PRKCG: variants seen among roughly 807,000 people sequenced by gnomAD.
PRKCG encodes the protein protein kinase C gamma type.
Under a neutral mutation model 82.0 loss-of-function variants are expected in PRKCG, and 28 were observed. That is an observed-to-expected ratio of 0.34 (90% CI 0.25 to 0.47). The LOEUF (loss-of-function observed/expected upper bound fraction) is 0.47. Ranked by LOEUF, PRKCG falls within the 20% of genes least tolerant of loss-of-function variation. The probability of loss-of-function intolerance (pLI) is 1.00; values close to 1 mark genes in which losing one functional copy is unlikely to be tolerated. For synonymous variants in PRKCG, 383 were observed against 376.6 expected (o/e 1.02, Z -0.20); for missense variants, 640 against 952.7 (o/e 0.67, Z 4.32).
intron 15 of PRKCG, 73 bp downstream of exon 15, chr19:53,903,226 A>G (rs1255011493): frequency 1.6e-6 from 2 of 1,217,040 alleles, no homozygotes; most frequent in Non-Finnish European, 2.4e-6. Context: ...AGGAGGAGCC[A>G]GTTAGAAAGG....
chr19:53,906,559 C>A, intron 17 of PRKCG, 102 bp downstream of exon 17: 1 of 1,552,362 alleles, frequency 6.4e-7, no homozygotes, highest in Non-Finnish European at 8.8e-7. Context: ...CTCTGCAGAG[C>A]CCCCCGCCCC....
Position 53,893,365 on chromosome 19 carries a change from T to G in PRKCG, c.913T>G (p.Cys305Gly), listed in dbSNP as rs1568755831. Reference sequence around the variant, plus strand: ...CTCTCTCTTTCTTTTCTCCCAGGCTTGTAACTACCCCCTGGAATTGTATGA... The same window carrying G: ...CTCTCTCTTTCTTTTCTCCCAGGCTGGTAACTACCCCCTGGAATTGTATGA... ...NCSLLQKFEA[C>G]NYPLELYERV... Residue 305 changes from cysteine to glycine, a missense_variant, in exon 9 of 18, where the codon TGT becomes GGT. Cys to Gly is a radical substitution (Grantham distance 159). This residue lies in a region of PRKCG where 261 missense variants were observed against 312.1 expected (regional missense o/e 0.84). Transcript: ENST00000263431. 2 of 1,613,676 alleles carry G rather than the reference T, an allele frequency of 1.2e-6. No individual in the cohort carries two copies. The highest frequency in any genetic ancestry group is 1.7e-5 in the Admixed American group (1 of 60,018).
At position 53,905,611 on chromosome 19, in the gene PRKCG, A is replaced by G. The variant is rs189054750; in HGVS notation, c.1765-706A>G. ...TCTCTGTACCACCCTCTGAATTTCT[A>G]TTTCCCCTTTTCTCTGGGTCTGCAA... On this transcript the variant is annotated intron_variant, in intron 16 of 17. Coordinates refer to ENST00000263431, the MANE Select transcript of PRKCG (RefSeq NM_002739.5). Among the ~76,000 whole-genome samples the G allele has an allele frequency of 2.0e-3, 283 of 142,640 alleles. 1 individual carries two copies. The highest frequency in any genetic ancestry group is 6.9e-3 in the African/African-American group (263 of 37,914). 93.6% of individuals were successfully genotyped at this position (142,640 alleles called of 152,430 possible).
chr19:53,906,162 A>G lies in PRKCG; in HGVS notation c.1765-155A>G, dbSNP rs531074398. ...TCCTTTCTTTTCCCTTCCTCCCTCC[A>G]TTTGCCTGTTTCCCCTGGCTGTTCT... On this transcript the variant is annotated intron_variant, in intron 16 of 17. Transcript: ENST00000263431. Among the ~76,000 whole-genome samples the G allele has an allele frequency of 1.3e-4, 16 of 121,046 alleles. No homozygotes were observed. The South Asian group carries it at 3.5e-3, about 26-fold the overall frequency. The allele number at this position is 121,046 out of a possible 152,430, so 79.4% of individuals were successfully genotyped here. A position where few individuals can be genotyped will look rare whatever the true frequency, so the allele number is the denominator to read the frequency against.
intron 16 of PRKCG, among the ~76,000 whole-genome samples, 159 bp from the exon 17 acceptor site, chr19:53,906,158 C>G (rs974081592): frequency 6.9e-6 from 1 of 144,820 alleles, no homozygotes; most frequent in Non-Finnish European, 1.5e-5. Flanking sequence ...CCCTTCCTCC[C>G]TCCATTTGCC....
chr19:53,883,297 G>C lies in PRKCG; in HGVS notation c.202+103G>C. 7.2e-7 allele frequency: 1 copy of C among 1,391,342 alleles called. No individual in the cohort carries two copies. The highest frequency in any genetic ancestry group is 1.0e-6 in the Non-Finnish European group (1 of 986,814). 86.2% of individuals were successfully genotyped at this position (1,391,342 alleles called of 1,614,324 possible). A position where few individuals can be genotyped will look rare whatever the true frequency, so the allele number is the denominator to read the frequency against. ...CACGTGTTCTCTGGTCCCCAGAGAG[G>C]CGCGGGGGAGCCCGGGGCGGGGGGT... is the stretch of plus-strand genomic sequence containing the variant. On this transcript the variant is annotated intron_variant, in intron 2 of 17. Coordinates refer to ENST00000263431, the MANE Select transcript of PRKCG (RefSeq NM_002739.5). This position sits in a 1 kb window ranked among gnomAD's most constrained non-coding sequence, Gnocchi z 5.4.
At chr19:53,881,409 C>T (rs953709240), upstream of PRKCG, among the ~76,000 whole-genome samples, 6 of 151,252 alleles carry the variant, frequency 4.0e-5, no homozygotes, top group African/African-American at 1.5e-4. Context: ...GACAGAGTCA[C>T]AGCCTGAGAG....
At position 53,906,910 on chromosome 19, in the gene PRKCG, A is replaced by G. The variant is rs910407040; in HGVS notation, c.*15A>G. 3.1e-6 allele frequency: 5 copies of G among 1,612,954 alleles called. No homozygotes were observed. Among genetic ancestry groups the G allele is most frequent in the Middle Eastern group, 1.6e-4 (1 of 6,062 alleles). ...CCGTCATGTAATCTCACCCGCCGCC[A>G]CTAGGTGTCCCCAACGTCCCCTCCG... On this transcript the variant is annotated 3_prime_UTR_variant, in exon 18 of 18. Transcript: ENST00000263431.
rs2068822681 is a variant in PRKCG, at chr19:53,907,365, C to T, written c.*470C>T. 4.7e-6 allele frequency: 1 copy of T among 211,470 alleles called. No individual in the cohort carries two copies. The highest frequency in any genetic ancestry group is 7.0e-5 in the South Asian group (1 of 14,266). 13.1% of individuals were successfully genotyped at this position (211,470 alleles called of 1,614,324 possible). ...TTCTAGATGAGTGGGAGGCGTGCCCCCCTCCTCCAGTACGTCCCGCTGCTG... is the reference window on the plus strand; with the variant it reads ...TTCTAGATGAGTGGGAGGCGTGCCCTCCTCCTCCAGTACGTCCCGCTGCTG... On this transcript the variant is annotated 3_prime_UTR_variant, in exon 18 of 18. Transcript: ENST00000263431.
At position 53,884,368 on chromosome 19, in the gene PRKCG, G is replaced by A. The variant is rs2068616842; in HGVS notation, c.285+125G>A. On this transcript the variant is annotated intron_variant, in intron 3 of 17. Transcript: ENST00000263431. The surrounding 1 kb of genome is among the most constrained non-coding windows in gnomAD (Gnocchi z 4.6). Reference sequence around the variant, plus strand: ...GGGGAGGGGGGCTGGAGAGATAGGGGGAGCTATCTGGCCCAGATTCCTTGC... The same window carrying A: ...GGGGAGGGGGGCTGGAGAGATAGGGAGAGCTATCTGGCCCAGATTCCTTGC... 1.2e-5 allele frequency: 11 copies of A among 928,202 alleles called. No individual in the cohort carries two copies. The Admixed American group carries it at 1.9e-4, about 16-fold the overall frequency. 57.5% of individuals were successfully genotyped at this position (928,202 alleles called of 1,614,324 possible). A position where few individuals can be genotyped will look rare whatever the true frequency, so the allele number is the denominator to read the frequency against.
At chr19:53,906,245 C>A (rs2068809453) in intron 16 of PRKCG, 72 bp from the exon 17 acceptor site, 13 of 1,540,664 alleles carry the variant, frequency 8.4e-6, no homozygotes, top group African/African-American at 2.8e-5. Flanking sequence ...TGTCTCTGTC[C>A]CTCTTTCTCT....
intron 15 of PRKCG, among the ~76,000 whole-genome samples, chr19:53,904,269 G>A (rs2068785460): frequency 6.6e-6 from 1 of 151,648 alleles, no homozygotes; most frequent in Non-Finnish European, 1.5e-5. Context: ...AACCTCAGAA[G>A]ACTGTGAACT....
intron 11 of PRKCG, among the ~76,000 whole-genome samples, chr19:53,898,872 T>C (rs1272460665): frequency 5.7e-4 from 8 of 14,156 alleles, no homozygotes; most frequent in African/African-American, 9.9e-4. Flanking sequence ...CGAGGCCGGG[T>C]GGAGGGGCTC....
At chr19:53,905,597 C>T (rs2068796454) in intron 16 of PRKCG, among the ~76,000 whole-genome samples, 1 of 151,510 alleles carries the variant, frequency 6.6e-6, no homozygotes, top group Non-Finnish European at 1.5e-5. Context: ...CTCTGTACCA[C>T]CCTCTGAATT....
rs56211557 is a variant in PRKCG at position 53,906,388 on chromosome 19, C to T, written c.1836C>T (p.Gly612=). Residue 612 remains glycine, a synonymous_variant, in exon 17 of 18, where the codon GGC becomes GGT. Coordinates refer to ENST00000263431, the MANE Select transcript of PRKCG (RefSeq NM_002739.5). ...GGGAACCTACCATCCGTGCACATGG[C>T]TTTTTCCGCTGGATTGACTGGGAGC... ...PDGEPTIRAH[G]FFRWIDWERL... is the part of the protein sequence containing the mutation. 1.2e-3 allele frequency: 1,840 copies of T among 1,563,874 alleles called. 5 individuals are homozygous for T. The highest frequency in any genetic ancestry group is 1.8e-3 in the South Asian group (155 of 85,204).
Position 53,892,451 on chromosome 19 carries a change from G to A in PRKCG, c.687-58G>A, listed in dbSNP as rs2068683312. 8 of 1,581,670 alleles carry A rather than the reference G, an allele frequency of 5.1e-6. No individual in the cohort carries two copies. Among genetic ancestry groups the A allele is most frequent in the Admixed American group, 3.6e-5 (2 of 56,238 alleles). The stretch of plus-strand genomic sequence containing the variant: ...CCCCCACCTCCAGCACCAAGGATGG[G>A]GAACCGAGGGGAGCCATGAGCTCGG... On this transcript the variant is annotated intron_variant, in intron 6 of 17. Coordinates refer to ENST00000263431, the MANE Select transcript of PRKCG (RefSeq NM_002739.5). This position sits in a 1 kb window ranked among gnomAD's most constrained non-coding sequence, Gnocchi z 5.9.
At chr19:53,882,140 G>T, upstream of PRKCG, 1 of 326,758 alleles carries the variant, frequency 3.1e-6, no homozygotes, top group Non-Finnish European at 5.8e-6. This position sits in a 1 kb window ranked among gnomAD's most constrained non-coding sequence, Gnocchi z 6.1. Flanking sequence ...GCGCCTTTAA[G>T]CCGAAACCCC....
chr19:53,903,213 C>T (rs1568762102), intron 15 of PRKCG, 60 bp downstream of exon 15: 1 of 1,359,176 alleles, frequency 7.4e-7, no homozygotes, highest in African/African-American at 1.4e-5. Flanking sequence ...GCACCTGGAT[C>T]TCAGGAGGAG....
intron 3 of PRKCG, among the ~76,000 whole-genome samples, chr19:53,886,129 G>A (rs1205852010): frequency 6.6e-6 from 1 of 150,720 alleles, no homozygotes; most frequent in African/African-American, 2.4e-5. Context: ...TTTTTAGATG[G>A]AGTTTCACTC....
Sources: gnomAD v4.1 joint callset for allele counts (sites outside exome capture counted in the v4.1 genomes callset) on GRCh38, gnomAD v4.1.1 for gene constraint, gnomAD v4.1.1 regional missense constraint, Gnocchi (gnomAD v3.1) non-coding constraint, MANE v1.5 for transcripts, NCBI Gene and HGNC (gene_info 2026-07-23, HGNC 2026-07-21) for gene names.